Variants in FAM13A observed in about 807,000 individuals in gnomAD.
FAM13A encodes the protein protein FAM13A.
In FAM13A, 76 loss-of-function variants were observed where a neutral mutation model predicts 129.6. The ratio of observed to expected loss-of-function variants is 0.59; its 90% CI spans 0.49 to 0.71. The LOEUF is 0.71. Ranked by LOEUF, FAM13A falls within the 30% of genes least tolerant of loss-of-function variation. The pLI is 0.00. For missense variants in FAM13A, 1,108 were observed against 1,249.3 expected, an observed-to-expected ratio of 0.89 and a Z score of 1.70; for synonymous variants, 443 against 449.9, an observed-to-expected ratio of 0.98 and a Z score of 0.20.
intron 6 of FAM13A, among the ~76,000 whole-genome samples, chr4:88,875,335 A>G (rs916872306): frequency 3.3e-5 from 5 of 152,392 alleles, no homozygotes; most frequent in Admixed American, 2.0e-4. Flanking sequence ...AAAAGAAACT[A>G]TCATCAGAGT....
At chr4:88,852,788 T>C (rs1170298404) in intron 6 of FAM13A, among the ~76,000 whole-genome samples, 1 of 152,192 alleles carries the variant, frequency 6.6e-6, no homozygotes, top group Non-Finnish European at 1.5e-5. Flanking sequence ...TCCCAGAGGA[T>C]AGTTAATAAA....
chr4:88,753,653 C>A lies in FAM13A; in HGVS notation c.1727-3016G>T, dbSNP rs150637077. On this transcript the variant is annotated intron_variant, in intron 14 of 23. Transcript: ENST00000264344. ...TCCTTTTTCTCTCTTTTCTGTTATT[C>A]GATAGTCTTATAATTTAAGGCTTCT... 4.3e-5 allele frequency: 40 copies of A among 938,584 alleles called. No individual in the cohort carries two copies. In the African/African-American group the frequency reaches 6.8e-4, roughly 16 times the overall value. 58.1% of individuals were successfully genotyped at this position (938,584 alleles called of 1,614,324 possible).
chr4:88,778,541 C>T (rs965554421), intron 11 of FAM13A, among the ~76,000 whole-genome samples: 4 of 152,148 alleles, frequency 2.6e-5, no homozygotes, highest in Non-Finnish European at 4.4e-5. Context: ...GGGTACAGCC[C>T]GTGAGTCCAT....
intron 4 of FAM13A, among the ~76,000 whole-genome samples, chr4:88,944,850 C>T (rs1388980573): frequency 6.6e-6 from 1 of 151,818 alleles, no homozygotes; most frequent in African/African-American, 2.4e-5. Context: ...TTGCAGTGAG[C>T]CGAGATCATG....
intron 13 of FAM13A, among the ~76,000 whole-genome samples, chr4:88,766,883 G>C (rs1434692787): frequency 6.6e-6 from 1 of 152,182 alleles, no homozygotes; most frequent in East Asian, 1.9e-4. Flanking sequence ...ATTGAAGGTG[G>C]AGTTGGAAGT....
intron 6 of FAM13A, among the ~76,000 whole-genome samples, chr4:88,896,632 C>T (rs1746385366): frequency 6.6e-6 from 1 of 152,066 alleles, no homozygotes; most frequent in Non-Finnish European, 1.5e-5. Context: ...ATTCATAGTT[C>T]CTGAAAACAT....
intron 5 of FAM13A, among the ~76,000 whole-genome samples, chr4:88,925,303 C>G (rs1224899504): frequency 6.6e-6 from 1 of 152,068 alleles, no homozygotes; most frequent in South Asian, 2.1e-4. Context: ...TTGGAACCAA[C>G]CCAAATGTCC....
In FAM13A at chr4:88,927,496, T is replaced by TTC. The variant is rs1554031425; in HGVS notation, c.759+10591_759+10592insGA. ...TCCATCTGGTTCTAGGTTTTTTTTT[T>TTC]CTCTTGGTAGAATTTTTTTTAATAC... On this transcript the variant is annotated intron_variant, in intron 5 of 23. Coordinates refer to ENST00000264344, the MANE Select transcript of FAM13A (RefSeq NM_014883.4). 1.3e-4 allele frequency among the ~76,000 whole-genome samples: 19 copies of TTC among 147,806 alleles called. 1 individual carries two copies. Among genetic ancestry groups the TTC allele is most frequent in the South Asian group, 1.3e-3 (6 of 4,712 alleles).
chr4:88,969,464 A>G (rs1759782879), intron 4 of FAM13A, among the ~76,000 whole-genome samples: 1 of 152,184 alleles, frequency 6.6e-6, no homozygotes, highest in African/African-American at 2.4e-5. Context: ...ACTCATAGAC[A>G]GGTTCAGGTA....
At chr4:88,981,805 GCCATGGGATGAAGAAATGTGTT>G (rs535216695) in intron 4 of FAM13A, among the ~76,000 whole-genome samples, 97 of 152,312 alleles carry the variant, frequency 6.4e-4, no homozygotes, top group South Asian at 2.3e-3. Flanking sequence ...GCAAGGAGAA[GCCATGGGATGAAGAAATGTGTT>G]CCATGGGAAG....
intron 23 of FAM13A, 63 bp from the exon 24 acceptor site, chr4:88,728,722 A>T: frequency 1.9e-6 from 3 of 1,572,330 alleles, no homozygotes; most frequent in Non-Finnish European, 1.7e-6. Context: ...GATACTATTC[A>T]TCGGGCAAAT....
At chr4:88,774,709 C>T (rs1318995465) in intron 11 of FAM13A, among the ~76,000 whole-genome samples, 1 of 152,046 alleles carries the variant, frequency 6.6e-6, no homozygotes, top group East Asian at 1.9e-4. Context: ...AGAGCCTCAA[C>T]TATGTAATGG....
intron 3 of FAM13A, among the ~76,000 whole-genome samples, chr4:88,996,282 G>A (rs1300929183): frequency 6.6e-6 from 1 of 152,170 alleles, no homozygotes; most frequent in East Asian, 1.9e-4. Context: ...TGATCTGCCT[G>A]GAGGACCACT....
chr4:89,028,398 C>T (rs1302833662), intron 2 of FAM13A, among the ~76,000 whole-genome samples: 1 of 151,910 alleles, frequency 6.6e-6, no homozygotes, highest in African/African-American at 2.4e-5. Flanking sequence ...AAAATCCCTT[C>T]ATGGCTGAGC....
chr4:88,747,519 G>A, intron 18 of FAM13A, 112 bp downstream of exon 18: 6 of 864,870 alleles, frequency 6.9e-6, no homozygotes, highest in Admixed American at 2.0e-5. Flanking sequence ...GTAACAGCCT[G>A]GAAGGCTTAA....
chr4:88,966,035 G>A (rs772863332), intron 4 of FAM13A, among the ~76,000 whole-genome samples: 45 of 152,116 alleles, frequency 3.0e-4, no homozygotes, highest in Non-Finnish European at 5.4e-4. Flanking sequence ...ATCTCTCTTT[G>A]AGACCCTTCT....
chr4:88,819,799 T>C (rs1731532251), intron 7 of FAM13A, among the ~76,000 whole-genome samples: 1 of 152,188 alleles, frequency 6.6e-6, no homozygotes, highest in Non-Finnish European at 1.5e-5. Flanking sequence ...TAGCTATAAG[T>C]AGTATGTAAA....
chr4:88,740,795 A>G (rs1030196771), intron 19 of FAM13A, among the ~76,000 whole-genome samples: 11 of 152,252 alleles, frequency 7.2e-5, no homozygotes, highest in African/African-American at 2.7e-4. Context: ...AAGATCAAGA[A>G]GAATAACAGC....
intron 4 of FAM13A, among the ~76,000 whole-genome samples, chr4:88,981,708 T>C (rs892242781): frequency 6.6e-6 from 1 of 152,196 alleles, no homozygotes; most frequent in Non-Finnish European, 1.5e-5. Context: ...AAAGTATGCA[T>C]AGCTCTTTCA....
Sources: gnomAD v4.1 joint callset for allele counts (sites outside exome capture counted in the v4.1 genomes callset) on GRCh38, gnomAD v4.1.1 for gene constraint, MANE v1.5 for transcripts, NCBI Gene and HGNC (gene_info 2026-07-23, HGNC 2026-07-21) for gene names.